Variants in ANK3 observed in about 807,000 individuals in gnomAD.
ANK3 encodes the protein ankyrin 3, also known as ankyrin-3.
ANK3 carries 57 observed loss-of-function variants against 370.9 expected under a neutral mutation model. The ratio of observed to expected loss-of-function variants is 0.15; its 90% CI spans 0.12 to 0.19. The LOEUF is 0.19. Ranked by LOEUF, ANK3 falls within the 10% of genes least tolerant of loss-of-function variation. The pLI, the probability that ANK3 is intolerant of heterozygous loss-of-function variation, is 1.00. For missense variants in ANK3, 4,439 were observed against 5,302.1 expected (o/e 0.84, Z 5.06); for synonymous variants, 1,929 against 1,946.3 (o/e 0.99, Z 0.23).
At chr10:60,400,119 G>A (rs1166909220) in intron 2 of ANK3, among the ~76,000 whole-genome samples, 1 of 151,110 alleles carries the variant, frequency 6.6e-6, no homozygotes, top group Non-Finnish European at 1.5e-5. Flanking sequence ...GATAACAGTG[G>A]GATTTGCTAA....
intron 1 of ANK3, among the ~76,000 whole-genome samples, chr10:60,327,637 C>T (rs1007669536): frequency 6.6e-6 from 1 of 152,212 alleles, no homozygotes; most frequent in African/African-American, 2.4e-5. Context: ...AAGGCTGTGT[C>T]ACTTTAACTA....
intron 2 of ANK3, among the ~76,000 whole-genome samples, chr10:60,594,011 C>A (rs966503837): frequency 6.6e-6 from 1 of 152,178 alleles, no homozygotes; most frequent in Admixed American, 6.5e-5. Flanking sequence ...CCCATTGAAG[C>A]TTCCTTCCCT....
At chr10:60,577,686 GTGT>G (rs2077700211) in intron 2 of ANK3, among the ~76,000 whole-genome samples, 2 of 152,150 alleles carry the variant, frequency 1.3e-5, no homozygotes, top group African/African-American at 4.8e-5. Flanking sequence ...AGTCTCAGGT[GTGT>G]CTTTATCAGC....
intron 25 of ANK3, among the ~76,000 whole-genome samples, chr10:60,127,873 A>G (rs1024887656): frequency 6.6e-5 from 10 of 151,708 alleles, no homozygotes; most frequent in African/African-American, 2.4e-4. Flanking sequence ...AATTTTTTGT[A>G]GTTTTAGTAC....
intron 1 of ANK3, among the ~76,000 whole-genome samples, chr10:60,669,259 C>T (rs2079036730): frequency 6.6e-6 from 1 of 152,238 alleles, no homozygotes; most frequent in African/African-American, 2.4e-5. Context: ...CACAGAAGTG[C>T]AGCGCTAAAT....
At chr10:60,527,760 A>T (rs368056914) in intron 2 of ANK3, among the ~76,000 whole-genome samples, 1 of 152,184 alleles carries the variant, frequency 6.6e-6, no homozygotes, top group Non-Finnish European at 1.5e-5. Flanking sequence ...TGCCTGCTAA[A>T]GGCTCTCTTG....
chr10:60,126,975 G>C (rs548502661), intron 25 of ANK3, among the ~76,000 whole-genome samples: 1 of 152,298 alleles, frequency 6.6e-6, no homozygotes, highest in African/African-American at 2.4e-5. Context: ...CCAGGGATGG[G>C]GGAAGACTGA....
At chr10:60,597,572 T>C (rs1246052058) in intron 2 of ANK3, among the ~76,000 whole-genome samples, 1 of 152,160 alleles carries the variant, frequency 6.6e-6, no homozygotes, top group Non-Finnish European at 1.5e-5. Flanking sequence ...CCCGCCTCCT[T>C]CACCTCCCCC....
rs542742465 is a variant in ANK3 at position 60,530,078 on chromosome 10, C to A, written c.96+85108G>T. ...GGCCTGACCCCTTGCAGCCAGCTGG[C>A]CTTTGCCAGAACCCTGCCTCCTTTC... On this transcript the variant is annotated intron_variant, in intron 2 of 43. Transcript: ENST00000373827. 1.4e-3 allele frequency among the ~76,000 whole-genome samples: 207 copies of A among 152,248 alleles called. 1 individual carries two copies. The highest frequency in any genetic ancestry group is 2.5e-3 in the Non-Finnish European group (172 of 68,004).
intron 2 of ANK3, among the ~76,000 whole-genome samples, chr10:60,458,111 T>C (rs2064794932): frequency 6.6e-6 from 1 of 152,150 alleles, no homozygotes; most frequent in African/African-American, 2.4e-5. Flanking sequence ...GCTGTTATTA[T>C]TTCCCATACA....
rs1359784465 is a variant in ANK3, at chr10:60,194,667, C to A, written c.1887+1478G>T. Among the ~76,000 whole-genome samples, 6 of 152,180 alleles carry A rather than the reference C, an allele frequency of 3.9e-5. No individual in the cohort carries two copies. In the South Asian group the frequency reaches 1.2e-3, roughly 32 times the overall value. ...GCATTCATCCATCAATGAATATTTG[C>A]ATTGTTTCCACCTTTTGGCTGTCAT... On this transcript the variant is annotated intron_variant, in intron 16 of 43. Coordinates refer to ENST00000280772, the MANE Select transcript of ANK3 (RefSeq NM_020987.5).
At chr10:60,428,921 G>T (rs2063950767) in intron 2 of ANK3, among the ~76,000 whole-genome samples, 1 of 152,128 alleles carries the variant, frequency 6.6e-6, no homozygotes, top group Non-Finnish European at 1.5e-5. Context: ...GAAGAAATTA[G>T]AAATATGATT....
At chr10:60,423,975 C>A (rs758288776) in intron 2 of ANK3, among the ~76,000 whole-genome samples, 1 of 151,982 alleles carries the variant, frequency 6.6e-6, no homozygotes, top group Non-Finnish European at 1.5e-5. Context: ...TTAATATTGG[C>A]AAATATATAT....
intron 25 of ANK3, among the ~76,000 whole-genome samples, chr10:60,128,740 A>T (rs1313247391): frequency 1.3e-5 from 2 of 152,198 alleles, no homozygotes; most frequent in Admixed American, 1.3e-4. Flanking sequence ...AACTATAAAC[A>T]ACTTAATACT....
Position 60,080,547 on chromosome 10 carries a change from C to T in ANK3, c.4422G>A (p.Glu1474=), listed in dbSNP as rs2084954574. ...TGTTAGGAAACTCACTCATTCCAGG[C>T]TCAGTCAAGTAGCTGTAGCGCTTAC... The part of the protein sequence containing the change: ...ALRKRYSYLT[E]PGMIERSTGA... The change falls in exon 36 of 44, where the codon GAG becomes GAA. Residue 1474 remains glutamate (E), a synonymous_variant. Transcript: ENST00000280772. The T allele has an allele frequency of 6.2e-7, 1 of 1,612,594 alleles. No homozygotes were observed. Among genetic ancestry groups the T allele is most frequent in the South Asian group, 1.1e-5 (1 of 90,840 alleles).
rs182692783 is a variant in ANK3, at chr10:60,699,362, T to C, written c.57+33901A>G. Among the ~76,000 whole-genome samples the C allele has an allele frequency of 2.8e-3, 429 of 152,230 alleles. 1 individual carries two copies. Among genetic ancestry groups the C allele is most frequent in the African/African-American group, 9.3e-3 (388 of 41,566 alleles). ...AACCCTGTTTTATTCAAGTAATAAC[T>C]AATATTCAAAGAAGACATGTAAAAA... On this transcript the variant is annotated intron_variant, in intron 1 of 43. Transcript: ENST00000373827.
chr10:60,698,223 A>T (rs1208539529), intron 1 of ANK3, among the ~76,000 whole-genome samples: 1 of 151,218 alleles, frequency 6.6e-6, no homozygotes, highest in African/African-American at 2.4e-5. Context: ...CACCAGTTAG[A>T]ATGGCAATCA....
chr10:60,570,777 T>C (rs1304978092), intron 2 of ANK3, among the ~76,000 whole-genome samples: 2 of 152,058 alleles, frequency 1.3e-5, no homozygotes, highest in Non-Finnish European at 2.9e-5. Flanking sequence ...TGACTTTATA[T>C]TGTGCTCTGA....
chr10:60,267,264 G>C (rs1399746598), intron 5 of ANK3, among the ~76,000 whole-genome samples: 2 of 152,064 alleles, frequency 1.3e-5, no homozygotes, highest in Non-Finnish European at 2.9e-5. Context: ...GCTAATGAGA[G>C]AGCAATACAG....
Sources: gnomAD v4.1 joint callset for allele counts (sites outside exome capture counted in the v4.1 genomes callset) on GRCh38, gnomAD v4.1.1 for gene constraint, MANE v1.5 for transcripts, NCBI Gene and HGNC (gene_info 2026-07-23, HGNC 2026-07-21) for gene names.